Variants in CD63 observed in about 807,000 individuals in gnomAD.
CD63 encodes the protein CD63 molecule.
CD63 carries 16 observed loss-of-function variants against 29.2 expected under a neutral mutation model. The observed-to-expected ratio is 0.55, with a 90% confidence interval of 0.37 to 0.83. The LOEUF is 0.83. CD63 is among the 40% of genes least tolerant of loss of function. CD63 has a pLI of 0.00. For missense variants in CD63, 251 were observed against 297.3 expected (o/e 0.84, Z 1.15); for synonymous variants, 118 against 111.7 (o/e 1.06, Z -0.36).
downstream of CD63, chr12:55,724,111 T>C: frequency 6.4e-7 from 1 of 1,565,886 alleles, no homozygotes; most frequent in Admixed American, 1.8e-5. Context: ...AGGCCAGTCC[T>C]GCATAAGCCT....
chr12:55,727,531 C>T, intron 2 of CD63, 192 bp from the exon 3 acceptor site: 3 of 1,253,080 alleles, frequency 2.4e-6, no homozygotes, highest in Non-Finnish European at 3.1e-6. Context: ...CCCCTGATCC[C>T]CTCCCGGCTC....
intron 6 of CD63, 41 bp downstream of exon 6, chr12:55,726,080 T>C (rs1368237882): frequency 6.2e-7 from 1 of 1,608,748 alleles, no homozygotes; most frequent in African/African-American, 1.3e-5. Context: ...TCTAAAACAT[T>C]TCCCAGGTTT....
chr12:55,727,171 T>C lies in CD63; in HGVS notation c.235A>G (p.Asn79Asp). Residue 79 changes from asparagine to aspartate, a missense_variant, in exon 3 of 8, where the codon AAC becomes GAC. Asn to Asp is a conservative substitution (Grantham distance 23, BLOSUM62 1). Coordinates refer to ENST00000257857, the MANE Select transcript of CD63 (RefSeq NM_001780.6). ...FVGCCGACKE[N>D]YCLMITFAIF... ...CTCACCGTGATCATAAGACAATAGT[T>C]CTCCTTGCAGGCCCCGCAGCAGCCC... The C allele has an allele frequency of 6.2e-7, 1 of 1,612,916 alleles. No individual in the cohort carries two copies. The highest frequency in any genetic ancestry group is 1.1e-5 in the South Asian group (1 of 91,028).
chr12:55,729,020 C>A (rs1453682168), upstream of CD63: 17 of 985,280 alleles, frequency 1.7e-5, no homozygotes, highest in Non-Finnish European at 2.0e-5. Flanking sequence ...AGCTGCGCCC[C>A]CCGGCTCCCG....
intron 5 of CD63, 25 bp downstream of exon 5, chr12:55,726,675 C>G: frequency 6.3e-7 from 1 of 1,577,190 alleles, no homozygotes; most frequent in South Asian, 1.1e-5. Context: ...TTCCCACCAC[C>G]CCTGCTCCCA....
Position 55,726,762 on chromosome 12 carries a change from G to A in CD63, c.364C>T (p.Gln122Ter). Residue 122 changes from glutamine to a stop codon, truncating the protein, a stop_gained, in exon 5 of 8, where the codon CAG becomes TAG. Coordinates refer to ENST00000257857, the MANE Select transcript of CD63 (RefSeq NM_001780.6). LOFTEE classifies it high-confidence loss of function. The part of the protein sequence containing the change: ...MSEFNNNFRQ[Q>*]MENYPKNNHT... ...TTGTTTTTCGGGTAATTCTCCATCT[G>A]CTGCCGGAAGTTGTTATTAAACTCT... 1 of 1,614,020 alleles carries A rather than the reference G, an allele frequency of 6.2e-7. No homozygotes were observed. The highest frequency in any genetic ancestry group is 8.5e-7 in the Non-Finnish European group (1 of 1,179,900).
chr12:55,727,453 C>T (rs1215327536), intron 2 of CD63, 114 bp from the exon 3 acceptor site: 5 of 1,247,820 alleles, frequency 4.0e-6, no homozygotes, highest in Admixed American at 2.7e-5. Flanking sequence ...AAGAGAGATT[C>T]TCACACCTCT....
At chr12:55,726,662 C>A in intron 5 of CD63, 38 bp downstream of exon 5, 2 of 1,503,994 alleles carry the variant, frequency 1.3e-6, no homozygotes, top group Middle Eastern at 2.0e-4. Flanking sequence ...TGAGAATTCT[C>A]TATTCCCACC....
chr12:55,727,600 C>A, intron 2 of CD63: 1 of 1,251,202 alleles, frequency 8.0e-7, no homozygotes, highest in South Asian at 2.5e-5. Flanking sequence ...CCTCAAGACA[C>A]GTATTTCTGA....
chr12:55,727,204 C>T lies in CD63; in HGVS notation c.202G>A (p.Ala68Thr), dbSNP rs1451163284. The change falls in exon 3 of 8, where the codon GCT becomes ACT. Residue 68 changes from alanine to threonine, a missense_variant. Ala to Thr is a moderately conservative substitution (Grantham distance 58). Transcript: ENST00000257857. Reference protein sequence around the residue: ...IAVGVFLFLVAFVGCCGACKE... With the variant: ...IAVGVFLFLVTFVGCCGACKE... ...CAGGCCCCGCAGCAGCCCACAAAAG[C>T]CACCAGGAAGAGGAAGACACCCACT... is the stretch of plus-strand genomic sequence containing the variant. 6.2e-7 allele frequency: 1 copy of T among 1,613,850 alleles called. No individual in the cohort carries two copies. The highest frequency in any genetic ancestry group is 1.6e-4 in the Middle Eastern group (1 of 6,062).
chr12:55,724,241 G>A (rs1291330371), downstream of CD63: 6 of 1,544,166 alleles, frequency 3.9e-6, no homozygotes, highest in South Asian at 1.1e-5. Flanking sequence ...AGGGTGACAA[G>A]CCCAGGGCCC....
downstream of CD63, chr12:55,724,654 G>T: frequency 2.0e-6 from 2 of 1,024,650 alleles, no homozygotes; most frequent in Non-Finnish European, 3.0e-6. Context: ...ACTAACAAAA[G>T]TGTATTGTTT....
Position 55,728,991 on chromosome 12 carries a change from C to T in CD63, c.-50G>A, listed in dbSNP as rs979458406. ...GGCTGGCTGCGCGTTCCTCTCCCGC[C>T]GCGGCTCCGGGGCTCTCTAGCTGCG... On this transcript the variant is annotated 5_prime_UTR_variant, in exon 1 of 8. Coordinates refer to ENST00000257857, the MANE Select transcript of CD63 (RefSeq NM_001780.6). The surrounding 1 kb of genome is among the most constrained non-coding windows in gnomAD (Gnocchi z 4.8). The T allele has an allele frequency of 8.0e-5, 79 of 985,386 alleles. 1 individual carries two copies. The highest frequency in any genetic ancestry group is 1.0e-3 in the Middle Eastern group (2 of 1,936). 61.0% of individuals were successfully genotyped at this position (985,386 alleles called of 1,614,324 possible). A position where few individuals can be genotyped will look rare whatever the true frequency, so the allele number is the denominator to read the frequency against.
At position 55,727,370 on chromosome 12, in the gene CD63, T is replaced by C. The variant is rs764336878; in HGVS notation, c.67-31A>G. The stretch of plus-strand genomic sequence containing the variant: ...AGAAAATCAGGTGAGGATTAGGCCA[T>C]ATCCACAACACAGTGGCCCTCCATG... On this transcript the variant is annotated intron_variant, in intron 2 of 7. Transcript: ENST00000257857. The C allele has an allele frequency of 1.4e-5, 22 of 1,589,442 alleles. No homozygotes were observed. In the East Asian group the frequency reaches 1.8e-4, roughly 13 times the overall value.
intron 2 of CD63, chr12:55,727,724 G>T: frequency 1.9e-6 from 2 of 1,039,822 alleles, no homozygotes; most frequent in South Asian, 7.6e-5. Context: ...TGTGACTAAG[G>T]TTCCTCTGGC....
chr12:55,726,364 C>T (rs962576818), intron 5 of CD63, 103 bp from the exon 6 acceptor site: 2 of 877,712 alleles, frequency 2.3e-6, no homozygotes, highest in Non-Finnish European at 3.1e-6. Flanking sequence ...TTTTTTGAGA[C>T]AGAGACTTGC....
In CD63 at chr12:55,725,955, C is replaced by G; in HGVS notation, c.568-59G>C. 3.2e-6 allele frequency: 5 copies of G among 1,540,286 alleles called. No individual in the cohort carries two copies. In the South Asian group the frequency reaches 5.7e-5, roughly 18 times the overall value. ...ATCAGAAACTTCCCACCCCAACCCC[C>G]TCCCTTGGTCCATCAGTCTCTTCCC... On this transcript the variant is annotated intron_variant, in intron 6 of 7. Coordinates refer to ENST00000257857, the MANE Select transcript of CD63 (RefSeq NM_001780.6).
downstream of CD63, chr12:55,724,141 AC>A: frequency 6.6e-7 from 1 of 1,519,952 alleles, no homozygotes; most frequent in Non-Finnish European, 8.9e-7. Context: ...TGGGTGGGGC[AC>A]CCAGGGCAGG....
downstream of CD63, chr12:55,724,412 G>A (rs763676982): frequency 1.9e-5 from 30 of 1,614,134 alleles, 1 homozygote; most frequent in South Asian, 1.1e-4. Flanking sequence ...CTGACTGCTC[G>A]ACACCCCCGA....
Sources: gnomAD v4.1 joint callset for allele counts on GRCh38, gnomAD v4.1.1 for gene constraint, Gnocchi (gnomAD v3.1) non-coding constraint, MANE v1.5 for transcripts, NCBI Gene and HGNC (gene_info 2026-07-23, HGNC 2026-07-21) for gene names.